Variants in ITPR1 observed in about 807,000 individuals in gnomAD.
ITPR1 encodes inositol 1,4,5-trisphosphate receptor type 1.
A neutral mutation model predicts 318.4 loss-of-function variants in ITPR1; 96 were observed. That is an observed-to-expected ratio of 0.30 (90% confidence interval 0.26 to 0.36). ITPR1 has a LOEUF of 0.36. ITPR1 is among the 10% of genes least tolerant of loss of function. ITPR1 has a pLI of 1.00. For missense variants in ITPR1, 2,440 were observed against 3,460.2 expected, an observed-to-expected ratio of 0.71 and a Z score of 7.40; for synonymous variants, 1,312 against 1,289.9, an observed-to-expected ratio of 1.02 and a Z score of -0.37.
chr3:4,814,100 C>T (rs1386543099), intron 57 of ITPR1, among the ~76,000 whole-genome samples: 3 of 152,108 alleles, frequency 2.0e-5, no homozygotes, highest in Admixed American at 1.3e-4. Context: ...CTCAGAGTTG[C>T]GAAGCAACTC....
At chr3:4,756,884 GGGTATTAT>G (rs1463587308) in intron 44 of ITPR1, among the ~76,000 whole-genome samples, 1 of 152,198 alleles carries the variant, frequency 6.6e-6, no homozygotes, top group African/African-American at 2.4e-5. Context: ...CCCTGGAAAG[GGGTATTAT>G]TGTTAGACAA....
intron 4 of ITPR1, among the ~76,000 whole-genome samples, chr3:4,620,038 CT>C (rs1367689508): frequency 1.3e-5 from 2 of 151,848 alleles, no homozygotes; most frequent in Admixed American, 1.3e-4. Context: ...TTATAGTTGA[CT>C]TTTTTCCTAT....
intron 57 of ITPR1, 164 bp from the exon 58 acceptor site, chr3:4,814,259 G>C: frequency 1.3e-6 from 1 of 741,136 alleles, no homozygotes; most frequent in Admixed American, 2.2e-5. Flanking sequence ...TGCCCCAGAC[G>C]ACTTTAGCTT....
chr3:4,519,663 T>C (rs562983845), intron 3 of ITPR1, among the ~76,000 whole-genome samples: 3 of 152,212 alleles, frequency 2.0e-5, no homozygotes, highest in Non-Finnish European at 4.4e-5. Flanking sequence ...CTGCTCTTGA[T>C]TTTTACATGA....
At chr3:4,594,907 G>A (rs1028995932) in intron 4 of ITPR1, among the ~76,000 whole-genome samples, 3 of 105,368 alleles carry the variant, frequency 2.8e-5, no homozygotes, top group Non-Finnish European at 4.2e-5. Flanking sequence ...AGTGTAGATC[G>A]TATCACCCTG....
In ITPR1 at chr3:4,735,195, G is replaced by C. The variant is rs752696509; in HGVS notation, c.5385G>C (p.Arg1795Ser). The change falls in exon 44 of 62, where the codon AGG becomes AGC. Residue 1795 changes from arginine to serine, a missense_variant. Physicochemically the swap from Arg to Ser is moderately radical, Grantham distance 110. Coordinates refer to ENST00000649015, the MANE Select transcript of ITPR1 (RefSeq NM_001378452.1). ...GTTCCGGATCCAGCTCTATGAGCAGGGGTGAGATGAGTCTGGCCGAGGTTC... is the reference window on the plus strand; with the variant it reads ...GTTCCGGATCCAGCTCTATGAGCAGCGGTGAGATGAGTCTGGCCGAGGTTC... ...GGGSGSSSMSRGEMSLAEVQC... is the reference protein window; with the variant it reads ...GGGSGSSSMSSGEMSLAEVQC... 5 of 1,613,986 alleles carry C rather than the reference G, an allele frequency of 3.1e-6. No individual in the cohort carries two copies. Among genetic ancestry groups the C allele is most frequent in the Non-Finnish European group, 3.4e-6 (4 of 1,179,860 alleles).
chr3:4,574,605 G>T (rs980209386), intron 4 of ITPR1, among the ~76,000 whole-genome samples: 4 of 152,200 alleles, frequency 2.6e-5, no homozygotes, highest in African/African-American at 9.7e-5. Context: ...TAACGGCTTT[G>T]TTTTCCCCCG....
chr3:4,626,487 A>C (rs1207406260), intron 4 of ITPR1, among the ~76,000 whole-genome samples: 3 of 152,042 alleles, frequency 2.0e-5, no homozygotes, highest in Non-Finnish European at 4.4e-5. Flanking sequence ...TTTGCTTTAC[A>C]AGAGCTCTAA....
intron 4 of ITPR1, among the ~76,000 whole-genome samples, chr3:4,614,571 C>T (rs1393740092): frequency 6.6e-6 from 1 of 152,226 alleles, no homozygotes; most frequent in Admixed American, 6.5e-5. Context: ...CCAAATCATA[C>T]AGCTCACATG....
chr3:4,723,370 C>T (rs1210848159), intron 40 of ITPR1, among the ~76,000 whole-genome samples: 3 of 152,086 alleles, frequency 2.0e-5, no homozygotes, highest in Admixed American at 6.6e-5. Flanking sequence ...TGGTTAGACA[C>T]GATTCTTGAA....
At chr3:4,494,696 C>T (rs1276773169) in intron 2 of ITPR1, among the ~76,000 whole-genome samples, 190 bp downstream of exon 2, 1 of 152,108 alleles carries the variant, frequency 6.6e-6, no homozygotes, top group African/African-American at 2.4e-5. Flanking sequence ...CAGTCCGTTT[C>T]TTGGAAGTAG....
intron 40 of ITPR1, among the ~76,000 whole-genome samples, chr3:4,720,676 A>G (rs2042084097): frequency 6.6e-6 from 1 of 152,186 alleles, no homozygotes; most frequent in African/African-American, 2.4e-5. Flanking sequence ...CATTGCAACA[A>G]AAAAGCTAAA....
Position 4,836,669 on chromosome 3 carries a change from T to C in ITPR1, c.8029-105T>C, listed in dbSNP as rs1161672068. The C allele has an allele frequency of 1.2e-5, 13 of 1,126,934 alleles. No homozygotes were observed. In the South Asian group the frequency reaches 2.9e-4, roughly 25 times the overall value. 69.8% of individuals were successfully genotyped at this position (1,126,934 alleles called of 1,614,324 possible). On this transcript the variant is annotated intron_variant, in intron 60 of 61. Transcript: ENST00000649015. Reference sequence around the variant, plus strand: ...TCTGCCATAGAAGGAGATAACCTAATGAGAGTTAGGAAACATGGCACGGTA... The same window carrying C: ...TCTGCCATAGAAGGAGATAACCTAACGAGAGTTAGGAAACATGGCACGGTA...
At chr3:4,604,506 G>C (rs1464882872) in intron 4 of ITPR1, among the ~76,000 whole-genome samples, 1 of 152,184 alleles carries the variant, frequency 6.6e-6, no homozygotes, top group East Asian at 1.9e-4. Flanking sequence ...GTTCAATTCT[G>C]ATGTGGGATC....
intron 21 of ITPR1, 107 bp downstream of exon 21, chr3:4,673,494 C>A: frequency 1.7e-6 from 2 of 1,174,346 alleles, no homozygotes; most frequent in Non-Finnish European, 2.3e-6. Flanking sequence ...TTGGTTTTTT[C>A]TTCAAGCTTA....
chr3:4,709,458 C>T (rs2094825722), intron 37 of ITPR1, among the ~76,000 whole-genome samples: 1 of 152,184 alleles, frequency 6.6e-6, no homozygotes, highest in Admixed American at 6.5e-5. Context: ...GCAGCTTTTC[C>T]CATGCAAATG....
intron 19 of ITPR1, among the ~76,000 whole-genome samples, chr3:4,670,350 G>A (rs2094047627): frequency 6.6e-6 from 1 of 152,164 alleles, no homozygotes; most frequent in Admixed American, 6.5e-5. Flanking sequence ...GCTAATGCAG[G>A]GTTTTTCAGT....
intron 59 of ITPR1, among the ~76,000 whole-genome samples, chr3:4,815,426 G>T (rs114517922): frequency 1.8e-3 from 275 of 152,278 alleles, no homozygotes; most frequent in African/African-American, 6.4e-3. Flanking sequence ...ACAGACCTGG[G>T]TTCTGACTGA....
chr3:4,568,799 C>G (rs1004647970), intron 4 of ITPR1, among the ~76,000 whole-genome samples: 1 of 152,096 alleles, frequency 6.6e-6, no homozygotes, highest in African/African-American at 2.4e-5. Flanking sequence ...TTAGGCTTTT[C>G]TTGCATTGCT....
Sources: gnomAD v4.1 joint callset for allele counts (sites outside exome capture counted in the v4.1 genomes callset) on GRCh38, gnomAD v4.1.1 for gene constraint, MANE v1.5 for transcripts, NCBI Gene and HGNC (gene_info 2026-07-23, HGNC 2026-07-21) for gene names.